Variants in EMCN observed in about 807,000 individuals in gnomAD.
The protein encoded by EMCN is MUC-14.
Under a neutral mutation model 38.4 loss-of-function variants are expected in EMCN, and 37 were observed. The observed-to-expected ratio is 0.96, with a 90% confidence interval of 0.74 to 1.27. The LOEUF is 1.27. Among genes scored for constraint, EMCN ranks in the 50% most tolerant of loss-of-function variants. EMCN has a pLI of 0.00. For synonymous variants in EMCN, 95 were observed against 100.8 expected (o/e 0.94, Z 0.35); for missense variants, 318 against 302.8 (o/e 1.05, Z -0.37).
chr4:100,463,756 A>G (rs1157834449), intron 4 of EMCN, among the ~76,000 whole-genome samples: 1 of 152,044 alleles, frequency 6.6e-6, no homozygotes, highest in Admixed American at 6.6e-5. Context: ...ACCACATGTC[A>G]TGTTTTGTGT....
chr4:100,421,936 G>C (rs1243010678), intron 7 of EMCN, among the ~76,000 whole-genome samples: 1 of 151,910 alleles, frequency 6.6e-6, no homozygotes, highest in Non-Finnish European at 1.5e-5. Context: ...TCTGTTTGGG[G>C]GAGTGATGTT....
chr4:100,395,574 T>A lies in EMCN; in HGVS notation c.*2839A>T, dbSNP rs1420163557. ...TCACCCAAAATACAATTTTTAAAGG[T>A]CATATTCACTTTTCCTTTCAACATC... On this transcript the variant is annotated 3_prime_UTR_variant, in exon 12 of 12. Transcript: ENST00000296420. 6.6e-6 allele frequency: 1 copy of A among 152,144 alleles called. No homozygotes were observed. The highest frequency in any genetic ancestry group is 1.5e-5 in the Non-Finnish European group (1 of 68,028). The allele number at this position is 152,144 out of a possible 1,614,324, so 9.4% of individuals were successfully genotyped here.
At chr4:100,447,504 A>T in intron 5 of EMCN, 29 bp downstream of exon 5, 1 of 1,535,406 alleles carries the variant, frequency 6.5e-7, no homozygotes, top group Non-Finnish European at 9.0e-7. Flanking sequence ...TGAAAATACT[A>T]AGAGAGAGAC....
intron 7 of EMCN, 59 bp downstream of exon 7, chr4:100,422,962 G>C (rs1726933917): frequency 2.6e-6 from 4 of 1,519,652 alleles, no homozygotes; most frequent in Admixed American, 1.7e-5. Context: ...TCCTTTACTG[G>C]TCACATTCAA....
chr4:100,447,476 T>G (rs34694128), intron 5 of EMCN, 57 bp downstream of exon 5: 186,150 of 1,249,686 alleles, frequency 0.15, 15,248 homozygotes, highest in Middle Eastern at 0.19. Flanking sequence ...ATTTGTTTTA[T>G]TCTTGAGATT....
rs1021578131 is a variant in EMCN, at chr4:100,493,868, C to T, written c.65-13829G>A. ...ACAGGACAAATCCATAATCTGACAG[C>T]TTTTCTTATTCATTCCCTGCAAATA... On this transcript the variant is annotated intron_variant, in intron 1 of 11. Coordinates refer to ENST00000296420, the MANE Select transcript of EMCN (RefSeq NM_016242.4). 3.3e-5 allele frequency among the ~76,000 whole-genome samples: 5 copies of T among 152,276 alleles called. No individual in the cohort carries two copies. The East Asian group carries it at 9.6e-4, about 29-fold the overall frequency.
At chr4:100,479,549 T>C (rs1245290962) in intron 2 of EMCN, among the ~76,000 whole-genome samples, 1 of 152,170 alleles carries the variant, frequency 6.6e-6, no homozygotes, top group African/African-American at 2.4e-5. Context: ...CAATCTGTTA[T>C]TAATACAGTT....
At chr4:100,438,263 C>G (rs1184200982) in intron 5 of EMCN, among the ~76,000 whole-genome samples, 1 of 151,996 alleles carries the variant, frequency 6.6e-6, no homozygotes, top group Non-Finnish European at 1.5e-5. Context: ...ATGAGTTTAT[C>G]AGGGTATTGA....
chr4:100,406,977 T>C (rs1210301222), intron 11 of EMCN, among the ~76,000 whole-genome samples: 2 of 152,098 alleles, frequency 1.3e-5, no homozygotes, highest in Non-Finnish European at 2.9e-5. Context: ...ATCACTTCCT[T>C]TCTTTGTCCT....
intron 4 of EMCN, among the ~76,000 whole-genome samples, chr4:100,464,158 G>A (rs961683866): frequency 1.3e-5 from 2 of 151,578 alleles, no homozygotes; most frequent in Non-Finnish European, 2.9e-5. Flanking sequence ...TATACTTTTT[G>A]ATGCTATTGA....
At chr4:100,505,347 T>G (rs1320896423) in intron 1 of EMCN, among the ~76,000 whole-genome samples, 1 of 152,148 alleles carries the variant, frequency 6.6e-6, no homozygotes, top group African/African-American at 2.4e-5. Flanking sequence ...GGCTGGACCC[T>G]ACAAAGCCTG....
chr4:100,485,798 C>A (rs1728925984), intron 1 of EMCN, among the ~76,000 whole-genome samples: 1 of 151,912 alleles, frequency 6.6e-6, no homozygotes, highest in East Asian at 1.9e-4. Context: ...CCATGGCCAA[C>A]CACATTAAAT....
At position 100,415,976 on chromosome 4, in the gene EMCN, A is replaced by C. The variant is rs28382356; in HGVS notation, c.690-17T>G. The C allele has an allele frequency of 0.011, 16,534 of 1,546,962 alleles. 171 individuals carry two copies. The highest frequency in any genetic ancestry group is 0.025 in the South Asian group (2,122 of 83,470). On this transcript the variant is annotated splice_polypyrimidine_tract_variant and intron_variant, in intron 9 of 11. Transcript: ENST00000296420. Reference sequence around the variant, plus strand: ...GACTGAGGTCTATTTGAAAAAAAAAACATGAAATTAACACCACAGTAATCA... The same window carrying C: ...GACTGAGGTCTATTTGAAAAAAAAACCATGAAATTAACACCACAGTAATCA...
intron 5 of EMCN, among the ~76,000 whole-genome samples, chr4:100,432,871 G>T (rs1434314524): frequency 2.0e-5 from 3 of 151,780 alleles, no homozygotes; most frequent in Non-Finnish European, 2.9e-5. Context: ...TATATTTAAG[G>T]TATACAACAT....
intron 1 of EMCN, among the ~76,000 whole-genome samples, chr4:100,499,802 C>T (rs1729301606): frequency 6.6e-6 from 1 of 152,124 alleles, no homozygotes; most frequent in Admixed American, 6.5e-5. Flanking sequence ...ATGGTGAATA[C>T]CTTTAACTGC....
At chr4:100,402,696 G>T (rs1202298463) in intron 11 of EMCN, among the ~76,000 whole-genome samples, 1 of 152,162 alleles carries the variant, frequency 6.6e-6, no homozygotes. Flanking sequence ...GGAATCTGAG[G>T]CTAGGAATAT....
intron 11 of EMCN, among the ~76,000 whole-genome samples, chr4:100,398,985 C>T (rs746863679): frequency 1.3e-5 from 2 of 152,124 alleles, no homozygotes; most frequent in Non-Finnish European, 2.9e-5. Flanking sequence ...GGATACAGTT[C>T]AAGATCTGTT....
intron 1 of EMCN, among the ~76,000 whole-genome samples, chr4:100,501,506 A>T (rs1054899273): frequency 1.1e-4 from 16 of 152,100 alleles, no homozygotes; most frequent in African/African-American, 3.9e-4. Context: ...TGGTAGAGTT[A>T]TGTTATCCTT....
In EMCN at chr4:100,399,585, G is replaced by A. The variant is rs562185426; in HGVS notation, c.*40-1212C>T. 7.8e-4 allele frequency among the ~76,000 whole-genome samples: 119 copies of A among 152,248 alleles called. 6 individuals carry two copies. In the South Asian group the frequency reaches 0.025, roughly 32 times the overall value. On this transcript the variant is annotated intron_variant, in intron 11 of 11. Coordinates refer to ENST00000296420, the MANE Select transcript of EMCN (RefSeq NM_016242.4). ...TCCGTGACTTCTTCCCAGAGCATCT[G>A]TGGCTGCTAGGCAGTCGAGCACATG... is the stretch of plus-strand genomic sequence containing the variant.
Sources: gnomAD v4.1 joint callset for allele counts (sites outside exome capture counted in the v4.1 genomes callset) on GRCh38, gnomAD v4.1.1 for gene constraint, MANE v1.5 for transcripts, NCBI Gene and HGNC (gene_info 2026-07-23, HGNC 2026-07-21) for gene names.